Variants in BSDC1 observed in about 807,000 individuals in gnomAD.
The protein encoded by BSDC1 is BSD domain containing 1.
Under a neutral mutation model 56.0 loss-of-function variants are expected in BSDC1, and 29 were observed. The observed-to-expected ratio is 0.52, with a 90% CI of 0.39 to 0.71. The LOEUF is 0.71. Among genes scored for constraint, BSDC1 ranks in the 30% least tolerant of loss-of-function variants. The pLI is 0.00. For missense variants in BSDC1, 477 were observed against 548.5 expected, an observed-to-expected ratio of 0.87 and a Z score of 1.30; for synonymous variants, 210 against 215.3, an observed-to-expected ratio of 0.98 and a Z score of 0.21.
chr1:32,392,365 A>T (rs143130569), intron 2 of BSDC1, among the ~76,000 whole-genome samples: 29 of 152,228 alleles, frequency 1.9e-4, no homozygotes, highest in South Asian at 8.3e-4. Flanking sequence ...ACACTTGCCC[A>T]AGTACATATA....
Position 32,376,317 on chromosome 1 carries a change from C to G in BSDC1, c.1101G>C (p.Val367=). 6.3e-7 allele frequency: 1 copy of G among 1,587,874 alleles called. No homozygotes were observed. The change falls in exon 9 of 11, where the codon GTG becomes GTC. Residue 367 remains valine, a synonymous_variant. Transcript: ENST00000455895. ...LREEAPTDLR[V]FELNSDSGKS... is the part of the protein sequence containing the mutation. ...TCCCACTATCCGAGTTCAGCTCAAA[C>G]ACCCGTAAGTCTGTGGGCGCCTCCT...
chr1:32,394,286 C>T (rs1429783272), intron 1 of BSDC1, 118 bp downstream of exon 1: 1 of 1,578,188 alleles, frequency 6.3e-7, no homozygotes, highest in Non-Finnish European at 8.7e-7. Flanking sequence ...TCCACTCTGC[C>T]CTTTCAGATC....
chr1:32,388,687 G>A (rs1308254797), intron 2 of BSDC1, among the ~76,000 whole-genome samples: 3 of 152,144 alleles, frequency 2.0e-5, no homozygotes, highest in East Asian at 1.9e-4. Context: ...CCACTGTGCC[G>A]TTCACTGAGC....
At chr1:32,368,185 C>G (rs1217568208) in intron 10 of BSDC1, 7 of 1,437,398 alleles carry the variant, frequency 4.9e-6, no homozygotes, top group Non-Finnish European at 6.4e-6. Flanking sequence ...CATCTGTTTT[C>G]TTAAGCAGTT....
intron 4 of BSDC1, among the ~76,000 whole-genome samples, chr1:32,382,222 A>T (rs1342974420): frequency 6.7e-6 from 1 of 148,408 alleles, no homozygotes; most frequent in Non-Finnish European, 1.5e-5. Context: ...GAGAGACTCC[A>T]TCTCAAAAAA....
chr1:32,375,740 T>G (rs1325119888), intron 9 of BSDC1, among the ~76,000 whole-genome samples: 1 of 152,210 alleles, frequency 6.6e-6, no homozygotes, highest in East Asian at 1.9e-4. Context: ...ATGACTTTCC[T>G]AAGGTTACAC....
intron 3 of BSDC1, among the ~76,000 whole-genome samples, chr1:32,385,670 T>G (rs1187853314): frequency 1.3e-5 from 2 of 151,930 alleles, no homozygotes; most frequent in African/African-American, 4.8e-5. Context: ...AAGGTTGCAA[T>G]GAGCTGAGAT....
chr1:32,390,274 G>C (rs183763360), intron 2 of BSDC1, among the ~76,000 whole-genome samples: 1 of 152,332 alleles, frequency 6.6e-6, no homozygotes, highest in East Asian at 1.9e-4. Flanking sequence ...AGGAAGACCA[G>C]TCAGGAGGCT....
At position 32,384,612 on chromosome 1, in the gene BSDC1, G is replaced by C. The variant is rs191025626; in HGVS notation, c.190-615C>G. On this transcript the variant is annotated intron_variant, in intron 3 of 10. Transcript: ENST00000455895. ...GGAAGTAGAATACTTTGTACAAAAG[G>C]TTGGAAACATATGGGCAGGATTAGA... Among the ~76,000 whole-genome samples, 63 of 152,232 alleles carry C rather than the reference G, an allele frequency of 4.1e-4. 1 individual carries two copies. Among genetic ancestry groups the C allele is most frequent in the Admixed American group, 3.9e-3 (59 of 15,280 alleles).
rs542580846 is a variant in BSDC1, at chr1:32,366,360, T to C, written c.*262A>G. On this transcript the variant is annotated 3_prime_UTR_variant, in exon 11 of 11. Coordinates refer to ENST00000455895, the MANE Select transcript of BSDC1 (RefSeq NM_018045.8). ...TTCAGCAGAAAAACACAGGCTCTTC[T>C]GGTGAGGAGGATAGGTTTCCTCTCC... 24 of 671,126 alleles carry C rather than the reference T, an allele frequency of 3.6e-5. No homozygotes were observed. The highest frequency in any genetic ancestry group is 6.3e-5 in the Non-Finnish European group (23 of 367,562). The allele number at this position is 671,126 out of a possible 1,614,324, so 41.6% of individuals were successfully genotyped here.
At chr1:32,380,739 C>T (rs1217813515) in intron 5 of BSDC1, among the ~76,000 whole-genome samples, 1 of 152,224 alleles carries the variant, frequency 6.6e-6, no homozygotes, top group African/African-American at 2.4e-5. Context: ...TCCTCTGGCT[C>T]CTGCTGCCCC....
chr1:32,383,376 G>T (rs1366633006), intron 4 of BSDC1, among the ~76,000 whole-genome samples: 1 of 151,742 alleles, frequency 6.6e-6, no homozygotes, highest in Non-Finnish European at 1.5e-5. Flanking sequence ...AGCCTGGAAA[G>T]TCGGGGCTGC....
chr1:32,380,881 A>T (rs1642457877), intron 5 of BSDC1, among the ~76,000 whole-genome samples: 1 of 152,146 alleles, frequency 6.6e-6, no homozygotes, highest in African/African-American at 2.4e-5. Flanking sequence ...TCTGATCTCC[A>T]GTTCCCATAA....
At chr1:32,386,951 C>T (rs538410397) in intron 2 of BSDC1, 56 bp from the exon 3 acceptor site, 8 of 1,388,364 alleles carry the variant, frequency 5.8e-6, no homozygotes, top group Non-Finnish European at 8.2e-6. Flanking sequence ...CCCCTTGTTC[C>T]TGTTCCCTGT....
At chr1:32,368,352 G>A (rs573931160) in intron 10 of BSDC1, 95 bp downstream of exon 10, 7 of 1,614,018 alleles carry the variant, frequency 4.3e-6, no homozygotes, top group African/African-American at 1.3e-5. Flanking sequence ...ACAGGAGCAG[G>A]GACCCTCCTG....
intron 3 of BSDC1, among the ~76,000 whole-genome samples, chr1:32,384,212 T>G (rs1642589273): frequency 6.6e-6 from 1 of 152,156 alleles, no homozygotes; most frequent in South Asian, 2.1e-4. Context: ...GGTAGGCCTG[T>G]GTAGATCAGA....
chr1:32,365,739 T>A lies in BSDC1; in HGVS notation c.*883A>T, dbSNP rs1641824002. The A allele has an allele frequency of 6.6e-6, 1 of 152,656 alleles. No individual in the cohort carries two copies. Among genetic ancestry groups the A allele is most frequent in the South Asian group, 2.1e-4 (1 of 4,826 alleles). The allele number at this position is 152,656 out of a possible 1,614,324, so 9.5% of individuals were successfully genotyped here. A position where few individuals can be genotyped will look rare whatever the true frequency, so the allele number is the denominator to read the frequency against. Reference sequence around the variant, plus strand: ...CTTACCAGAGTTGTAAGTACTCGGCTTTGATCACCGCTCTGTACCGCTGGT... The same window carrying A: ...CTTACCAGAGTTGTAAGTACTCGGCATTGATCACCGCTCTGTACCGCTGGT... On this transcript the variant is annotated 3_prime_UTR_variant, in exon 11 of 11. Coordinates refer to ENST00000455895, the MANE Select transcript of BSDC1 (RefSeq NM_018045.8).
At chr1:32,382,769 T>C (rs186197015) in intron 4 of BSDC1, among the ~76,000 whole-genome samples, 76 of 121,516 alleles carry the variant, frequency 6.3e-4, no homozygotes, top group Admixed American at 3.2e-3. Flanking sequence ...ACTAGGGAGG[T>C]TGAGGTGGGA....
chr1:32,376,948 C>T (rs367782899), intron 8 of BSDC1, among the ~76,000 whole-genome samples: 30 of 152,202 alleles, frequency 2.0e-4, no homozygotes, highest in South Asian at 8.3e-4. Flanking sequence ...GCCTGGCCAA[C>T]ACGGTGAAAC....
Sources: allele counts gnomAD v4.1 joint callset (sites outside exome capture counted in the v4.1 genomes callset), GRCh38; gene constraint gnomAD v4.1.1; transcripts MANE v1.5; gene names NCBI Gene and HGNC (gene_info 2026-07-23, HGNC 2026-07-21).